The following DIAPH1 variants were observed in gnomAD, a reference collection of about 807,000 sequenced individuals.
The protein encoded by DIAPH1 is diaphanous related formin 1, also known as protein diaphanous homolog 1.
Under a neutral mutation model 140.7 loss-of-function variants are expected in DIAPH1, and 46 were observed. That is an observed-to-expected ratio of 0.33 (90% CI 0.26 to 0.42). DIAPH1 has a LOEUF of 0.42. DIAPH1 is among the 10% of genes least tolerant of loss of function. DIAPH1 has a pLI of 1.00. For synonymous variants in DIAPH1, 565 were observed against 551.6 expected, an observed-to-expected ratio of 1.02 and a Z score of -0.34; for missense variants, 1,310 against 1,558.7, an observed-to-expected ratio of 0.84 and a Z score of 2.69.
intron 1 of DIAPH1, among the ~76,000 whole-genome samples, chr5:141,613,366 G>A (rs888948648): frequency 6.6e-6 from 1 of 152,130 alleles, no homozygotes; most frequent in Admixed American, 6.5e-5. Context: ...TAGTATATCT[G>A]TTCCTTTTAT....
intron 3 of DIAPH1, among the ~76,000 whole-genome samples, chr5:141,585,888 C>T (rs1238183192): frequency 6.6e-6 from 1 of 152,160 alleles, no homozygotes; most frequent in Admixed American, 6.5e-5. Flanking sequence ...AAAAAAATGA[C>T]CTAATTGGGG....
intron 19 of DIAPH1, among the ~76,000 whole-genome samples, chr5:141,530,640 TC>T (rs2099888074): frequency 6.6e-6 from 1 of 151,968 alleles, no homozygotes; most frequent in Non-Finnish European, 1.5e-5. Context: ...CCCCACCACT[TC>T]CCCATTTGTT....
chr5:141,594,806 T>C (rs570786156), intron 1 of DIAPH1, among the ~76,000 whole-genome samples: 22 of 151,580 alleles, frequency 1.5e-4, no homozygotes, highest in Non-Finnish European at 2.9e-4. Context: ...TTTGGGAGGC[T>C]GAGGCAGGTG....
chr5:141,549,933 T>C (rs1024659158), intron 18 of DIAPH1, among the ~76,000 whole-genome samples: 1 of 152,152 alleles, frequency 6.6e-6, no homozygotes, highest in African/African-American at 2.4e-5. Context: ...TTGAGACCAA[T>C]GGTGTCAAGT....
chr5:141,593,236 A>C (rs2099898763), intron 1 of DIAPH1, among the ~76,000 whole-genome samples: 1 of 152,192 alleles, frequency 6.6e-6, no homozygotes. Flanking sequence ...GCTGTTTAAG[A>C]AGCAGTTAGA....
Position 141,618,748 on chromosome 5 carries a change from C to T in DIAPH1, c.117+50G>A, listed in dbSNP as rs1363033295. 2.9e-6 allele frequency: 4 copies of T among 1,367,688 alleles called. No homozygotes were observed. The South Asian group carries it at 3.8e-5, about 13-fold the overall frequency. The allele number at this position is 1,367,688 out of a possible 1,614,324, so 84.7% of individuals were successfully genotyped here. A position where few individuals can be genotyped will look rare whatever the true frequency, so the allele number is the denominator to read the frequency against. On this transcript the variant is annotated intron_variant, in intron 1 of 27. Transcript: ENST00000389054. The stretch of plus-strand genomic sequence containing the variant: ...GCCCCAGGGGCCGGCTGCAGGGGTC[C>T]AGAGGGCGGTTACGGGGCCAGGCAG...
intron 18 of DIAPH1, among the ~76,000 whole-genome samples, chr5:141,559,090 C>G (rs2099893112): frequency 6.6e-6 from 1 of 152,146 alleles, no homozygotes; most frequent in South Asian, 2.1e-4. Flanking sequence ...CCAAGTTCAC[C>G]TAGCATACAA....
At chr5:141,577,271 T>C (rs2099896108) in intron 12 of DIAPH1, among the ~76,000 whole-genome samples, 1 of 152,198 alleles carries the variant, frequency 6.6e-6, no homozygotes, top group African/African-American at 2.4e-5. Flanking sequence ...CATTTCACCT[T>C]ATACACTCTG....
intron 18 of DIAPH1, among the ~76,000 whole-genome samples, chr5:141,555,598 T>A (rs1485712538): frequency 1.3e-5 from 2 of 152,244 alleles, no homozygotes. Flanking sequence ...GGCCTCATGC[T>A]GTCCCTCACC....
At chr5:141,535,018 G>A (rs542131849) in intron 18 of DIAPH1, among the ~76,000 whole-genome samples, 26 of 152,234 alleles carry the variant, frequency 1.7e-4, no homozygotes, top group African/African-American at 5.5e-4. Flanking sequence ...GCGCAATCAT[G>A]GCTCACTTGC....
At chr5:141,536,109 G>A (rs756039177) in intron 18 of DIAPH1, 2 of 431,916 alleles carry the variant, frequency 4.6e-6, no homozygotes, top group South Asian at 3.4e-5. Context: ...AGACCAACCT[G>A]ACCAACATGG....
intron 18 of DIAPH1, among the ~76,000 whole-genome samples, chr5:141,551,383 G>A (rs999112763): frequency 6.6e-6 from 1 of 152,084 alleles, no homozygotes; most frequent in Admixed American, 6.5e-5. Flanking sequence ...TTGTGCCAGG[G>A]AGTTCAAGGT....
chr5:141,572,966 A>T (rs546223795), intron 16 of DIAPH1, among the ~76,000 whole-genome samples: 66 of 152,340 alleles, frequency 4.3e-4, no homozygotes, highest in African/African-American at 1.5e-3. Flanking sequence ...TTAAGATTAA[A>T]TTCAGAATAC....
intron 1 of DIAPH1, among the ~76,000 whole-genome samples, chr5:141,594,851 G>A (rs2099899058): frequency 6.6e-6 from 1 of 150,500 alleles, no homozygotes; most frequent in Admixed American, 6.6e-5. Flanking sequence ...GACCAGCCTG[G>A]CCAACGTTGT....
At chr5:141,554,616 A>G (rs2099892275) in intron 18 of DIAPH1, among the ~76,000 whole-genome samples, 1 of 152,236 alleles carries the variant, frequency 6.6e-6, no homozygotes, top group Admixed American at 6.5e-5. Context: ...CAAAAAAATC[A>G]TAGGTACTTT....
chr5:141,610,179 G>A (rs1476790645), intron 1 of DIAPH1, among the ~76,000 whole-genome samples: 2 of 151,838 alleles, frequency 1.3e-5, no homozygotes, highest in Admixed American at 6.6e-5. Context: ...TCGCTCTGTC[G>A]CCCAAGGGTG....
At chr5:141,566,917 A>AAACAAAACAC (rs1198127919) in intron 18 of DIAPH1, among the ~76,000 whole-genome samples, 4 of 151,826 alleles carry the variant, frequency 2.6e-5, no homozygotes, top group Non-Finnish European at 5.9e-5. Context: ...AAACAAAACA[A>AAACAAAACAC]AACAAAACAA....
chr5:141,591,000 T>G (rs981100318), intron 1 of DIAPH1, among the ~76,000 whole-genome samples: 1 of 152,192 alleles, frequency 6.6e-6, no homozygotes, highest in Admixed American at 6.5e-5. Context: ...ATTTCTCCAT[T>G]GAAAAGCCTT....
At chr5:141,536,141 AAAG>A in intron 18 of DIAPH1, 1 of 386,326 alleles carries the variant, frequency 2.6e-6, no homozygotes, top group East Asian at 8.1e-5. Flanking sequence ...CTCTATAAAA[AAAG>A]TTCAAAAATT....
Sources: allele counts gnomAD v4.1 joint callset (sites outside exome capture counted in the v4.1 genomes callset), GRCh38; gene constraint gnomAD v4.1.1; transcripts MANE v1.5; gene names NCBI Gene and HGNC (gene_info 2026-07-23, HGNC 2026-07-21).